Variants in FGF12 observed in about 807,000 individuals in gnomAD.
FGF12 encodes fibroblast growth factor 12B.
FGF12 carries 14 observed loss-of-function variants against 23.6 expected under a neutral mutation model. That is an observed-to-expected ratio of 0.59 (90% CI 0.39 to 0.93). The LOEUF (loss-of-function observed/expected upper bound fraction) is 0.93, where lower values mean the gene tolerates loss of function less well. FGF12 is among the 40% of genes least tolerant of loss of function. The pLI, the probability that FGF12 is intolerant of heterozygous loss-of-function variation, is 0.00. For missense variants in FGF12, 175 were observed against 217.8 expected, an observed-to-expected ratio of 0.80 and a Z score of 1.24; for synonymous variants, 62 against 77.3, an observed-to-expected ratio of 0.80 and a Z score of 1.04.
chr3:192,279,920 A>C (rs1714043976), intron 4 of FGF12, among the ~76,000 whole-genome samples: 1 of 152,230 alleles, frequency 6.6e-6, no homozygotes, highest in African/African-American at 2.4e-5. Context: ...ATGCATATTA[A>C]ATTATGCAAA....
intron 3 of FGF12, among the ~76,000 whole-genome samples, chr3:192,340,738 G>GA (rs1243794276): frequency 1.3e-5 from 2 of 152,202 alleles, no homozygotes; most frequent in Non-Finnish European, 2.9e-5. Context: ...AAATGATGCT[G>GA]AAAAAACTGG....
intron 4 of FGF12, among the ~76,000 whole-genome samples, chr3:192,237,169 CTTCTGGCTCATAAGGG>C (rs775708768): frequency 1.3e-5 from 2 of 152,174 alleles, no homozygotes; most frequent in Non-Finnish European, 2.9e-5. Flanking sequence ...ACCCTGATCT[CTTCTGGCTCATAAGGG>C]TTCTGCTGAA....
At chr3:192,446,689 G>A (rs994156984) in intron 2 of FGF12, among the ~76,000 whole-genome samples, 1 of 151,868 alleles carries the variant, frequency 6.6e-6, no homozygotes, top group Non-Finnish European at 1.5e-5. Context: ...AGCACCAGCC[G>A]TCAGACCACC....
chr3:192,269,007 T>G (rs1216828482), intron 4 of FGF12, among the ~76,000 whole-genome samples: 3 of 152,092 alleles, frequency 2.0e-5, no homozygotes, highest in African/African-American at 2.4e-5. Flanking sequence ...CTCCGCCTCC[T>G]GGGTTCAAGT....
intron 2 of FGF12, among the ~76,000 whole-genome samples, chr3:192,641,368 G>A (rs1715796879): frequency 1.5e-5 from 1 of 66,762 alleles, no homozygotes; most frequent in South Asian, 6.3e-4. Context: ...GCCTCCCAAA[G>A]TGCTGGGATT....
At chr3:192,594,482 T>A (rs1049514481) in intron 2 of FGF12, among the ~76,000 whole-genome samples, 5 of 151,856 alleles carry the variant, frequency 3.3e-5, no homozygotes, top group Non-Finnish European at 7.4e-5. Flanking sequence ...GCTCATTCAG[T>A]CATAATAGAA....
chr3:192,306,373 G>GGTTATGA (rs1223162980), intron 4 of FGF12, among the ~76,000 whole-genome samples: 1 of 152,016 alleles, frequency 6.6e-6, no homozygotes, highest in Non-Finnish European at 1.5e-5. Flanking sequence ...GTGAGTTGCA[G>GGTTATGA]GTTATGATTC....
intron 4 of FGF12, among the ~76,000 whole-genome samples, chr3:192,181,258 G>C (rs1716154962): frequency 6.6e-6 from 1 of 151,868 alleles, no homozygotes; most frequent in Non-Finnish European, 1.5e-5. Flanking sequence ...CCTCAGAAAG[G>C]CCACAGGTTC....
intron 2 of FGF12, among the ~76,000 whole-genome samples, chr3:192,599,237 T>A (rs1714000466): frequency 8.3e-6 from 1 of 120,764 alleles, no homozygotes; most frequent in Admixed American, 8.0e-5. Context: ...TCTGCACACG[T>A]ACCCCAGAAC....
intron 4 of FGF12, among the ~76,000 whole-genome samples, chr3:192,297,617 C>T (rs1004224083): frequency 2.0e-5 from 3 of 152,098 alleles, no homozygotes; most frequent in African/African-American, 7.2e-5. Flanking sequence ...CCTTCATTTG[C>T]AAAGTGCTTT....
In FGF12 at chr3:192,529,088, G is replaced by A. The variant is rs565183965; in HGVS notation, c.14-168550C>T. ...AGCTGGAATTTCTCCTCAGAAAATG[G>A]GATTTTCTTTTCTATCGCATTGTCA... is the stretch of plus-strand genomic sequence containing the variant. On this transcript the variant is annotated intron_variant, in intron 2 of 5. Transcript: ENST00000445105. Among the ~76,000 whole-genome samples the A allele has an allele frequency of 8.5e-5, 13 of 152,190 alleles. No homozygotes were observed. The East Asian group carries it at 2.5e-3, about 29-fold the overall frequency.
intron 2 of FGF12, among the ~76,000 whole-genome samples, chr3:192,657,501 G>A (rs115649727): frequency 0.022 from 3,325 of 151,750 alleles, 59 homozygotes; most frequent in Non-Finnish European, 0.032. Flanking sequence ...GAGAGGGGAG[G>A]GAGGTGAGAA....
Position 192,685,932 on chromosome 3 carries a change from C to T in FGF12, c.13+41249G>A, listed in dbSNP as rs186033577. ...CTCCAGGAGAATATACTGTAAGTGG[C>T]AGAGCCCATCTGTCTCCATGACTGA... On this transcript the variant is annotated intron_variant, in intron 2 of 5. Coordinates refer to ENST00000445105, the MANE Select transcript of FGF12 (RefSeq NM_004113.6). Among the ~76,000 whole-genome samples, 145 of 152,214 alleles carry T rather than the reference C, an allele frequency of 9.5e-4. 1 individual carries two copies. The highest frequency in any genetic ancestry group is 3.3e-3 in the African/African-American group (139 of 41,532).
intron 2 of FGF12, among the ~76,000 whole-genome samples, chr3:192,568,401 G>A (rs759996101): frequency 6.6e-6 from 1 of 152,084 alleles, no homozygotes. Context: ...GTGTTTAGTT[G>A]CCATAGAGCA....
At chr3:192,526,650 T>C (rs1234186891) in intron 2 of FGF12, among the ~76,000 whole-genome samples, 2 of 152,182 alleles carry the variant, frequency 1.3e-5, no homozygotes, top group Non-Finnish European at 2.9e-5. Context: ...AATATTACTA[T>C]TTCTGCCTTT....
In FGF12 at chr3:192,382,937, C is replaced by T. The variant is rs147887470; in HGVS notation, c.14-22399G>A. 3.4e-3 allele frequency among the ~76,000 whole-genome samples: 516 copies of T among 152,242 alleles called. 8 individuals are homozygous for T. Among genetic ancestry groups the T allele is most frequent in the Middle Eastern group, 3.4e-3 (1 of 294 alleles). On this transcript the variant is annotated intron_variant, in intron 2 of 5. Coordinates refer to ENST00000445105, the MANE Select transcript of FGF12 (RefSeq NM_004113.6). ...ACGAGAGAACAGATAGGAGGATGAG[C>T]AGGGAGACAAGTGAGAAAGTAACAA...
chr3:192,365,051 T>C (rs1456405107), intron 2 of FGF12, among the ~76,000 whole-genome samples: 3 of 151,932 alleles, frequency 2.0e-5, no homozygotes, highest in Non-Finnish European at 2.9e-5. Context: ...ATTAGACAAA[T>C]GCCCGTTAAA....
At chr3:192,436,306 A>C (rs529647617) in intron 2 of FGF12, among the ~76,000 whole-genome samples, 23 of 152,340 alleles carry the variant, frequency 1.5e-4, no homozygotes, top group African/African-American at 5.3e-4. Flanking sequence ...TGCCTCTGGG[A>C]TACAGTGGTA....
chr3:192,640,636 G>T (rs148738132), intron 2 of FGF12, among the ~76,000 whole-genome samples: 1 of 152,124 alleles, frequency 6.6e-6, no homozygotes, highest in Non-Finnish European at 1.5e-5. Flanking sequence ...TACATAAAAT[G>T]TGTTAAAAAC....
Sources: allele counts gnomAD v4.1 joint callset (sites outside exome capture counted in the v4.1 genomes callset), GRCh38; gene constraint gnomAD v4.1.1; transcripts MANE v1.5; gene names NCBI Gene and HGNC (gene_info 2026-07-23, HGNC 2026-07-21).